PPM1L: variants seen among roughly 807,000 people sequenced by gnomAD.
The protein encoded by PPM1L is protein phosphatase 1L.
In PPM1L, 13 loss-of-function variants were observed where a neutral mutation model predicts 31.4. That is an observed-to-expected ratio of 0.41 (90% confidence interval 0.27 to 0.66). The LOEUF (loss-of-function observed/expected upper bound fraction) is 0.66. Among genes scored for constraint, PPM1L ranks in the 30% least tolerant of loss-of-function variants. The pLI is 0.29. For missense variants in PPM1L, 326 were observed against 453.7 expected (o/e 0.72, Z 2.56); for synonymous variants, 184 against 175.4 (o/e 1.05, Z -0.39).
At chr3:161,015,436 G>C (rs532610062) in intron 2 of PPM1L, among the ~76,000 whole-genome samples, 1 of 152,144 alleles carries the variant, frequency 6.6e-6, no homozygotes, top group Non-Finnish European at 1.5e-5. Context: ...TGTTAATGCT[G>C]GTGCTGACTG....
At chr3:161,055,431 A>G (rs1424759832) in intron 2 of PPM1L, among the ~76,000 whole-genome samples, 6 of 151,998 alleles carry the variant, frequency 3.9e-5, no homozygotes, top group South Asian at 4.2e-4. Flanking sequence ...TATCTTTCCC[A>G]TGTGATAGTT....
At chr3:161,039,497 A>G (rs1484282125) in intron 2 of PPM1L, among the ~76,000 whole-genome samples, 1 of 152,088 alleles carries the variant, frequency 6.6e-6, no homozygotes, top group African/African-American at 2.4e-5. Flanking sequence ...TTGGAATTTT[A>G]TGAAACTCAT....
At chr3:160,964,231 G>T (rs1447608) in intron 2 of PPM1L, among the ~76,000 whole-genome samples, 69,021 of 151,516 alleles carry the variant, frequency 0.46, 16,878 homozygotes, top group East Asian at 0.73. Context: ...AGCATAAAAC[G>T]TTTGATTCCC....
At chr3:160,939,391 T>G (rs925252853) in intron 1 of PPM1L, among the ~76,000 whole-genome samples, 4 of 152,292 alleles carry the variant, frequency 2.6e-5, no homozygotes, top group Middle Eastern at 6.8e-3. Context: ...GCTCCGCAAC[T>G]CCTTACATCC....
At chr3:160,925,821 C>A (rs892382093) in intron 1 of PPM1L, among the ~76,000 whole-genome samples, 1 of 152,008 alleles carries the variant, frequency 6.6e-6, no homozygotes, top group African/African-American at 2.4e-5. Context: ...AGGGGTAGGG[C>A]CAGAGAAAGG....
intron 1 of PPM1L, among the ~76,000 whole-genome samples, chr3:160,940,507 C>A (rs939020673): frequency 6.6e-6 from 1 of 152,162 alleles, no homozygotes; most frequent in African/African-American, 2.4e-5. Flanking sequence ...GGACTTGGTG[C>A]CTTGTGTCCC....
At chr3:161,048,671 G>C (rs564116807) in intron 2 of PPM1L, among the ~76,000 whole-genome samples, 1 of 152,132 alleles carries the variant, frequency 6.6e-6, no homozygotes, top group Admixed American at 6.5e-5. Context: ...CAAAGACTTG[G>C]AACCAACCCA....
At chr3:160,761,523 G>A (rs532247340) in intron 1 of PPM1L, among the ~76,000 whole-genome samples, 27 of 152,298 alleles carry the variant, frequency 1.8e-4, no homozygotes, top group African/African-American at 6.5e-4. Context: ...GCCATCCTGG[G>A]TTTGTTGGCT....
intron 1 of PPM1L, among the ~76,000 whole-genome samples, chr3:160,922,413 G>T (rs1206787811): frequency 6.6e-6 from 1 of 152,088 alleles, no homozygotes; most frequent in Non-Finnish European, 1.5e-5. Flanking sequence ...TTCAAAACAG[G>T]CATTGAGTCT....
At chr3:160,857,506 C>G (rs1226845957) in intron 1 of PPM1L, among the ~76,000 whole-genome samples, 2 of 152,062 alleles carry the variant, frequency 1.3e-5, no homozygotes, top group Non-Finnish European at 2.9e-5. Flanking sequence ...CCTTTTTAGT[C>G]TTTTTGTCTT....
At chr3:160,845,291 T>G (rs1172017626) in intron 1 of PPM1L, among the ~76,000 whole-genome samples, 1 of 152,092 alleles carries the variant, frequency 6.6e-6, no homozygotes, top group Non-Finnish European at 1.5e-5. Flanking sequence ...CATATATTGG[T>G]GTATGGTTGG....
At chr3:160,963,719 T>G (rs563149289) in intron 2 of PPM1L, among the ~76,000 whole-genome samples, 1 of 152,132 alleles carries the variant, frequency 6.6e-6, no homozygotes, top group East Asian at 1.9e-4. Context: ...GCATGAACAT[T>G]AGCTGCAATC....
chr3:160,850,127 A>T (rs1245309285), intron 1 of PPM1L, among the ~76,000 whole-genome samples: 1 of 152,220 alleles, frequency 6.6e-6, no homozygotes. Context: ...AGAGGTTCCC[A>T]TGAGTGTGTC....
chr3:160,761,014 T>C (rs936319578), intron 1 of PPM1L, among the ~76,000 whole-genome samples: 30 of 152,152 alleles, frequency 2.0e-4, no homozygotes, highest in Non-Finnish European at 4.1e-4. Context: ...ATAAACTCCT[T>C]ATGGAGGGTT....
chr3:160,914,794 G>A lies in PPM1L; in HGVS notation c.400-46942G>A, dbSNP rs1714102310. On this transcript the variant is annotated intron_variant, in intron 1 of 3. Coordinates refer to ENST00000498165, the MANE Select transcript of PPM1L (RefSeq NM_139245.4). ...TAGCAGCATGATTTATAATCCTTTGGGTATATACCCAGTAATGGGATTGCT... is the reference window on the plus strand; with the variant it reads ...TAGCAGCATGATTTATAATCCTTTGAGTATATACCCAGTAATGGGATTGCT... Among the ~76,000 whole-genome samples, 12 of 152,016 alleles carry A rather than the reference G, an allele frequency of 7.9e-5. No individual in the cohort carries two copies. In the South Asian group the frequency reaches 2.5e-3, roughly 32 times the overall value.
At chr3:160,921,510 T>G (rs1159111402) in intron 1 of PPM1L, among the ~76,000 whole-genome samples, 1 of 152,196 alleles carries the variant, frequency 6.6e-6, no homozygotes, top group African/African-American at 2.4e-5. Context: ...GGCCTTTGAA[T>G]AACGTTTAGT....
chr3:160,857,923 T>G (rs549042992), intron 1 of PPM1L, among the ~76,000 whole-genome samples: 6 of 152,332 alleles, frequency 3.9e-5, no homozygotes, highest in Admixed American at 1.3e-4. Context: ...AGGTTCCCAT[T>G]TTGGGTGTGG....
intron 1 of PPM1L, among the ~76,000 whole-genome samples, chr3:160,877,561 A>G (rs1410203797): frequency 6.6e-6 from 1 of 151,974 alleles, no homozygotes; most frequent in Non-Finnish European, 1.5e-5. Flanking sequence ...GAAATAGAGT[A>G]TGCGGACACA....
chr3:161,064,745 C>A lies in PPM1L; in HGVS notation c.575-658C>A, dbSNP rs906629134. ...TGTGGGCTTCAGGCAAGCACGTCTT[C>A]AATCTTGCTTTCTTCTGACTCGAAC... is the stretch of plus-strand genomic sequence containing the variant. On this transcript the variant is annotated intron_variant, in intron 2 of 3. Coordinates refer to ENST00000498165, the MANE Select transcript of PPM1L (RefSeq NM_139245.4). Among the ~76,000 whole-genome samples the A allele has an allele frequency of 3.3e-5, 5 of 152,246 alleles. No individual in the cohort carries two copies. The East Asian group carries it at 7.7e-4, about 24-fold the overall frequency.
Sources: gnomAD v4.1 joint callset for allele counts (sites outside exome capture counted in the v4.1 genomes callset) on GRCh38, gnomAD v4.1.1 for gene constraint, MANE v1.5 for transcripts, NCBI Gene and HGNC (gene_info 2026-07-23, HGNC 2026-07-21) for gene names.